The following AKAP13 variants were observed in gnomAD, a reference collection of about 807,000 sequenced individuals.
AKAP13 encodes the protein A-kinase anchoring protein 13.
Under a neutral mutation model 264.5 loss-of-function variants are expected in AKAP13, and 80 were observed. The observed-to-expected ratio is 0.30, with a 90% CI of 0.25 to 0.36. The LOEUF (loss-of-function observed/expected upper bound fraction) is 0.36. Ranked by LOEUF, AKAP13 falls within the 10% of genes least tolerant of loss-of-function variation. AKAP13 has a pLI of 1.00. For missense variants in AKAP13, 3,712 were observed against 3,435.2 expected, an observed-to-expected ratio of 1.08 and a Z score of -2.01; for synonymous variants, 1,380 against 1,250.2, an observed-to-expected ratio of 1.10 and a Z score of -2.19.
intron 19 of AKAP13, among the ~76,000 whole-genome samples, chr15:85,712,906 G>T (rs1467921098): frequency 2.0e-5 from 3 of 152,190 alleles, no homozygotes; most frequent in African/African-American, 7.2e-5. Flanking sequence ...GTAGAGTACA[G>T]ATTGTGAATT....
At chr15:85,531,936 G>T (rs963715866) in intron 3 of AKAP13, among the ~76,000 whole-genome samples, 1 of 152,140 alleles carries the variant, frequency 6.6e-6, no homozygotes, top group Non-Finnish European at 1.5e-5. Context: ...CTGTTTATAG[G>T]CAATGTGATA....
rs386383664 is a variant in AKAP13, at chr15:85,673,666, C to CTTTTTTTTTT, written c.5101+3853_5101+3862dup. The stretch of plus-strand genomic sequence containing the variant: ...TTACAGATGATCCCTTTCTTTCTTT[C>CTTTTTTTTTT]TTTTTTTTTTTTTTTTTTTTTTTTT... On this transcript the variant is annotated intron_variant, in intron 14 of 36. Transcript: ENST00000394518. Among the ~76,000 whole-genome samples the CTTTTTTTTTT allele has an allele frequency of 1.8e-3, 143 of 77,558 alleles. 14 individuals are homozygous for CTTTTTTTTTT. Among genetic ancestry groups the CTTTTTTTTTT allele is most frequent in the African/African-American group, 7.1e-3 (126 of 17,844 alleles). The allele number at this position is 77,558 out of a possible 152,430, so 50.9% of individuals were successfully genotyped here. A position where few individuals can be genotyped will look rare whatever the true frequency, so the allele number is the denominator to read the frequency against.
rs951782267 is a variant in AKAP13 at position 85,700,638 on chromosome 15, T to G, written c.5464+7187T>G. 5.9e-5 allele frequency among the ~76,000 whole-genome samples: 9 copies of G among 152,218 alleles called. No homozygotes were observed. In the East Asian group the frequency reaches 1.5e-3, roughly 26 times the overall value. On this transcript the variant is annotated intron_variant, in intron 17 of 36. Coordinates refer to ENST00000394518, the MANE Select transcript of AKAP13 (RefSeq NM_007200.5). ...TTCAGGATGTCAGGTGTTTGGAAGC[T>G]CCACAGATTTCTGAATTTGTGTATA... is the stretch of plus-strand genomic sequence containing the variant.
intron 1 of AKAP13, among the ~76,000 whole-genome samples, chr15:85,405,411 A>T (rs910760826): frequency 1.3e-5 from 2 of 152,228 alleles, no homozygotes; most frequent in Non-Finnish European, 2.9e-5. Context: ...TGATTCACAT[A>T]CTGATTTTAC....
At chr15:85,734,092 C>G (rs556063274) in intron 30 of AKAP13, among the ~76,000 whole-genome samples, 1 of 152,040 alleles carries the variant, frequency 6.6e-6, no homozygotes, top group Non-Finnish European at 1.5e-5. Flanking sequence ...CTCGGCCTCC[C>G]GAAGTGCTGG....
chr15:85,514,314 T>A (rs80319119), intron 2 of AKAP13, among the ~76,000 whole-genome samples: 1 of 138,416 alleles, frequency 7.2e-6, no homozygotes, highest in African/African-American at 2.9e-5. Flanking sequence ...GTTAAAAAAA[T>A]TGTTTATAAT....
At chr15:85,677,588 A>G (rs781109347) in intron 14 of AKAP13, among the ~76,000 whole-genome samples, 2 of 150,380 alleles carry the variant, frequency 1.3e-5, no homozygotes, top group African/African-American at 2.4e-5. Context: ...CTTTCCTTTA[A>G]GATTAGACCC....
At chr15:85,640,340 C>A (rs537873301) in intron 9 of AKAP13, among the ~76,000 whole-genome samples, 2 of 152,182 alleles carry the variant, frequency 1.3e-5, no homozygotes, top group Admixed American at 1.3e-4. Context: ...ATTTTTACTG[C>A]CCAGCTTTAA....
intron 20 of AKAP13, among the ~76,000 whole-genome samples, chr15:85,716,589 C>A (rs116332056): frequency 7.7e-4 from 117 of 152,304 alleles, no homozygotes; most frequent in African/African-American, 2.8e-3. Context: ...TTTAACCTAT[C>A]TTGGAGCAAA....
intron 8 of AKAP13, among the ~76,000 whole-genome samples, chr15:85,623,648 A>G (rs542638702): frequency 2.0e-4 from 31 of 152,232 alleles, no homozygotes; most frequent in African/African-American, 6.7e-4. Flanking sequence ...TCAACCCCCA[A>G]TGCCTCTGAA....
At chr15:85,453,649 G>A (rs2150983654) in intron 1 of AKAP13, among the ~76,000 whole-genome samples, 1 of 152,322 alleles carries the variant, frequency 6.6e-6, no homozygotes, top group East Asian at 1.9e-4. Context: ...GGTAGAGCAT[G>A]TGTGCTGTGC....
At chr15:85,650,950 T>C (rs148366704) in intron 10 of AKAP13, among the ~76,000 whole-genome samples, 136 of 152,082 alleles carry the variant, frequency 8.9e-4, no homozygotes, top group Non-Finnish European at 2.1e-4. Context: ...TGTGAGCCAT[T>C]ATTTTCCAAG....
chr15:85,449,425 C>T (rs968084611), intron 1 of AKAP13, among the ~76,000 whole-genome samples: 2 of 152,148 alleles, frequency 1.3e-5, no homozygotes, highest in African/African-American at 4.8e-5. Context: ...TTACTTCTTT[C>T]TCTTGCCTGA....
At chr15:85,622,840 G>A (rs1033824321) in intron 8 of AKAP13, among the ~76,000 whole-genome samples, 4 of 152,048 alleles carry the variant, frequency 2.6e-5, no homozygotes, top group Non-Finnish European at 4.4e-5. Context: ...TTTTTGAGTC[G>A]ATAAATTCCT....
intron 26 of AKAP13, 106 bp from the exon 27 acceptor site, chr15:85,726,304 G>C (rs1383435211): frequency 1.3e-6 from 1 of 791,966 alleles, no homozygotes; most frequent in South Asian, 1.7e-5. Context: ...GCCCGTATAG[G>C]GGTGTATGTG....
intron 4 of AKAP13, among the ~76,000 whole-genome samples, chr15:85,542,045 C>T (rs2077595462): frequency 6.6e-6 from 1 of 152,208 alleles, no homozygotes; most frequent in South Asian, 2.1e-4. Flanking sequence ...TAACTAGCCT[C>T]TAAAGAATCA....
chr15:85,518,373 A>C (rs1356058336), intron 2 of AKAP13, among the ~76,000 whole-genome samples: 1 of 152,166 alleles, frequency 6.6e-6, no homozygotes, highest in Non-Finnish European at 1.5e-5. Flanking sequence ...GTGTGCAGAG[A>C]ATACTCCTTC....
In AKAP13 at chr15:85,394,845, A is replaced by T. The variant is rs529927155; in HGVS notation, c.-12+14047A>T. ...AAGGATGGCCAGAGAAAGATATAAA[A>T]CTTAGACTCTTGGACATGAAATGGG... On this transcript the variant is annotated intron_variant, in intron 1 of 36. Transcript: ENST00000394518. Among the ~76,000 whole-genome samples the T allele has an allele frequency of 7.2e-5, 11 of 152,304 alleles. No individual in the cohort carries two copies. The East Asian group carries it at 1.2e-3, about 16-fold the overall frequency.
rs1555459223 is a variant in AKAP13 at position 85,685,488 on chromosome 15, GTC to G, written c.5289+617_5289+618del. On this transcript the variant is annotated intron_variant, in intron 16 of 36. Coordinates refer to ENST00000394518, the MANE Select transcript of AKAP13 (RefSeq NM_007200.5). ...TGTGTGTGTGTGTGTGTGTGTGTGT[GTC>G]TGTGTGTGTGTGTGTGTAAGGCTCC... 122 of 134,014 alleles carry G rather than the reference GTC, an allele frequency of 9.1e-4. No individual in the cohort carries two copies. The East Asian group carries it at 9.3e-3, about 10-fold the overall frequency. 8.3% of individuals were successfully genotyped at this position (134,014 alleles called of 1,614,324 possible). A position where few individuals can be genotyped will look rare whatever the true frequency, so the allele number is the denominator to read the frequency against.
Sources: gnomAD v4.1 joint callset for allele counts (sites outside exome capture counted in the v4.1 genomes callset) on GRCh38, gnomAD v4.1.1 for gene constraint, MANE v1.5 for transcripts, NCBI Gene and HGNC (gene_info 2026-07-23, HGNC 2026-07-21) for gene names.